Variants in NOL4 observed in about 807,000 individuals in gnomAD.
The protein encoded by NOL4 is nucleolar protein 4.
Under a neutral mutation model 75.9 loss-of-function variants are expected in NOL4, and 17 were observed. The observed-to-expected ratio is 0.22, with a 90% CI of 0.15 to 0.34. NOL4 has a LOEUF of 0.34. Ranked by LOEUF, NOL4 falls within the 10% of genes least tolerant of loss-of-function variation. The probability of loss-of-function intolerance (pLI) is 1.00; values close to 1 mark genes in which losing one functional copy is unlikely to be tolerated. For synonymous variants in NOL4, 292 were observed against 289.9 expected (o/e 1.01, Z -0.07); for missense variants, 614 against 793.5 (o/e 0.77, Z 2.72).
chr18:34,171,202 T>C (rs1004772149), intron 1 of NOL4, among the ~76,000 whole-genome samples: 1 of 152,304 alleles, frequency 6.6e-6, no homozygotes, highest in Admixed American at 6.5e-5. Flanking sequence ...ACACATTTTC[T>C]TGGTTTATGT....
intron 5 of NOL4, among the ~76,000 whole-genome samples, chr18:34,024,838 A>C (rs2075268937): frequency 1.3e-5 from 2 of 152,200 alleles, no homozygotes; most frequent in East Asian, 3.8e-4. Context: ...TGTAGGATCC[A>C]TGTGGGCACT....
At chr18:34,219,004 T>C (rs2037108691) in intron 1 of NOL4, among the ~76,000 whole-genome samples, 1 of 152,206 alleles carries the variant, frequency 6.6e-6, no homozygotes, top group Non-Finnish European at 1.5e-5. Context: ...AGTTACTGTT[T>C]ATGAGTCAGT....
intron 1 of NOL4, among the ~76,000 whole-genome samples, chr18:34,153,205 C>T (rs2081731064): frequency 6.6e-6 from 1 of 151,746 alleles, no homozygotes; most frequent in Admixed American, 6.6e-5. Flanking sequence ...ATTACTTGGT[C>T]ATAAGGTATA....
intron 5 of NOL4, among the ~76,000 whole-genome samples, chr18:34,058,226 C>T (rs112214009): frequency 0.01 from 1,544 of 152,196 alleles, 30 homozygotes; most frequent in African/African-American, 0.035. Context: ...CTCCGCCTCC[C>T]GGGTTCACGC....
At chr18:34,134,026 A>G (rs2080779892) in intron 1 of NOL4, among the ~76,000 whole-genome samples, 1 of 152,054 alleles carries the variant, frequency 6.6e-6, no homozygotes. Context: ...TCGCCTCAAA[A>G]TATATATATA....
At chr18:33,974,855 A>G (rs2071368062) in intron 6 of NOL4, among the ~76,000 whole-genome samples, 1 of 152,194 alleles carries the variant, frequency 6.6e-6, no homozygotes. Flanking sequence ...ATCTCAAAAG[A>G]TATTTGCATA....
chr18:34,211,631 TTC>T (rs758549478), intron 1 of NOL4, among the ~76,000 whole-genome samples: 1 of 152,222 alleles, frequency 6.6e-6, no homozygotes, highest in Non-Finnish European at 1.5e-5. Flanking sequence ...CTTAAATTTA[TTC>T]TCTGAGTTTT....
chr18:33,906,475 G>A (rs924500533), intron 9 of NOL4, among the ~76,000 whole-genome samples: 56 of 152,100 alleles, frequency 3.7e-4, no homozygotes, highest in African/African-American at 2.2e-4. Flanking sequence ...GCTGTTGTGC[G>A]GTGAGCTGAA....
At chr18:33,974,600 A>T (rs1380862386) in intron 6 of NOL4, among the ~76,000 whole-genome samples, 1 of 152,202 alleles carries the variant, frequency 6.6e-6, no homozygotes, top group East Asian at 1.9e-4. Flanking sequence ...AAGATCACTG[A>T]TCATAGATCA....
intron 5 of NOL4, among the ~76,000 whole-genome samples, chr18:34,039,151 T>G (rs2076035066): frequency 1.3e-5 from 2 of 152,046 alleles, no homozygotes. Context: ...ATTTTGGATA[T>G]TCTTTTCCCT....
At chr18:33,867,317 T>C (rs975377018) in intron 10 of NOL4, among the ~76,000 whole-genome samples, 1 of 152,142 alleles carries the variant, frequency 6.6e-6, no homozygotes, top group Non-Finnish European at 1.5e-5. Flanking sequence ...AACTCATTAG[T>C]AAATTTTTAC....
intron 6 of NOL4, among the ~76,000 whole-genome samples, chr18:34,017,321 C>T (rs1277087999): frequency 6.6e-6 from 1 of 152,084 alleles, no homozygotes; most frequent in Non-Finnish European, 1.5e-5. Context: ...GTTGTCTCTG[C>T]TACCTACTCC....
At chr18:34,029,822 T>C (rs1300800074) in intron 5 of NOL4, among the ~76,000 whole-genome samples, 2 of 152,188 alleles carry the variant, frequency 1.3e-5, no homozygotes, top group Non-Finnish European at 2.9e-5. Context: ...AGAGGTGAGA[T>C]TTTAAAAATT....
At chr18:34,138,868 TGA>T (rs1484181739) in intron 1 of NOL4, among the ~76,000 whole-genome samples, 2 of 152,206 alleles carry the variant, frequency 1.3e-5, no homozygotes, top group Non-Finnish European at 2.9e-5. Flanking sequence ...CCTAATTTAT[TGA>T]GAGTTTTTAG....
intron 2 of NOL4, among the ~76,000 whole-genome samples, chr18:34,123,572 T>C (rs1360968294): frequency 6.8e-6 from 1 of 147,124 alleles, no homozygotes; most frequent in Admixed American, 6.8e-5. Flanking sequence ...GTTCTCTATA[T>C]ATATATGAGA....
chr18:33,999,008 T>C (rs2146205030), intron 6 of NOL4, among the ~76,000 whole-genome samples: 1 of 152,242 alleles, frequency 6.6e-6, no homozygotes, highest in Non-Finnish European at 1.5e-5. Flanking sequence ...TCAGAAAACT[T>C]AAAGTAGATT....
intron 5 of NOL4, among the ~76,000 whole-genome samples, chr18:34,089,799 A>C (rs980666781): frequency 6.6e-6 from 1 of 152,218 alleles, no homozygotes; most frequent in Non-Finnish European, 1.5e-5. Context: ...GCTGCTAAAC[A>C]TTATGCAATG....
At position 34,007,319 on chromosome 18, in the gene NOL4, T is replaced by C. The variant is rs144855724; in HGVS notation, c.1056+11999A>G. ...TGTTACCAGGCCCTGTGATATAAGG[T>C]CAATTAAAAATCACAATAACCCAAT... On this transcript the variant is annotated intron_variant, in intron 6 of 10. Coordinates refer to ENST00000261592, the MANE Select transcript of NOL4 (RefSeq NM_003787.5). Among the ~76,000 whole-genome samples, 249 of 152,020 alleles carry C rather than the reference T, an allele frequency of 1.6e-3. 1 individual carries two copies. Among genetic ancestry groups the C allele is most frequent in the African/African-American group, 5.7e-3 (237 of 41,496 alleles).
intron 1 of NOL4, among the ~76,000 whole-genome samples, chr18:34,155,880 T>C (rs1012250844): frequency 6.6e-6 from 1 of 152,154 alleles, no homozygotes; most frequent in Non-Finnish European, 1.5e-5. Context: ...AAACTTCATA[T>C]CCATTTTCTT....
Sources: gnomAD v4.1 joint callset for allele counts (sites outside exome capture counted in the v4.1 genomes callset) on GRCh38, gnomAD v4.1.1 for gene constraint, MANE v1.5 for transcripts, NCBI Gene and HGNC (gene_info 2026-07-23, HGNC 2026-07-21) for gene names.